Variants in SPOCK1 observed in about 807,000 individuals in gnomAD.
SPOCK1 encodes the protein SPARC (osteonectin), cwcv and kazal like domains proteoglycan 1.
A neutral mutation model predicts 55.3 loss-of-function variants in SPOCK1; 23 were observed. The ratio of observed to expected loss-of-function variants is 0.42; its 90% CI spans 0.30 to 0.59. SPOCK1 has a LOEUF of 0.59. SPOCK1 is among the 20% of genes least tolerant of loss of function. The pLI, the probability that SPOCK1 is intolerant of heterozygous loss-of-function variation, is 0.22. For synonymous variants in SPOCK1, 226 were observed against 221.0 expected, an observed-to-expected ratio of 1.02 and a Z score of -0.20; for missense variants, 499 against 552.5, an observed-to-expected ratio of 0.90 and a Z score of 0.97.
intron 2 of SPOCK1, among the ~76,000 whole-genome samples, chr5:137,425,451 T>C (rs1229316954): frequency 6.6e-6 from 1 of 151,848 alleles, no homozygotes; most frequent in African/African-American, 2.4e-5. Context: ...GCTGACAAAT[T>C]CATCTCCAAA....
chr5:137,314,082 C>T (rs1362420404), intron 2 of SPOCK1, among the ~76,000 whole-genome samples: 4 of 151,648 alleles, frequency 2.6e-5, no homozygotes, highest in African/African-American at 4.8e-5. Context: ...CTGAGCTCTA[C>T]CCCTTAGGCT....
chr5:137,050,415 C>A (rs1210484160), intron 6 of SPOCK1, among the ~76,000 whole-genome samples: 29 of 137,518 alleles, frequency 2.1e-4, no homozygotes, highest in Middle Eastern at 3.6e-3. Flanking sequence ...CAGGTGCGTC[C>A]GTCACCCCTT....
intron 2 of SPOCK1, among the ~76,000 whole-genome samples, chr5:137,406,126 A>G (rs556982681): frequency 1.6e-4 from 24 of 152,292 alleles, no homozygotes; most frequent in African/African-American, 5.8e-4. Flanking sequence ...AGAGAAGCCC[A>G]GCCTCCTACA....
At chr5:137,240,087 TTG>T (rs1325236647) in intron 3 of SPOCK1, among the ~76,000 whole-genome samples, 1 of 152,120 alleles carries the variant, frequency 6.6e-6, no homozygotes, top group African/African-American at 2.4e-5. Context: ...TACCAAGGAA[TTG>T]ACTAAATAAG....
chr5:137,211,869 C>T (rs541228547), intron 3 of SPOCK1, among the ~76,000 whole-genome samples: 31 of 152,264 alleles, frequency 2.0e-4, no homozygotes, highest in Non-Finnish European at 3.5e-4. Context: ...ATGGAAGCCC[C>T]GCCCCCTGCC....
intron 2 of SPOCK1, among the ~76,000 whole-genome samples, chr5:137,384,618 CAA>C (rs1300397883): frequency 6.8e-6 from 1 of 147,126 alleles, no homozygotes; most frequent in African/African-American, 2.7e-5. Context: ...CAGAAGCTCA[CAA>C]TTAATGTGCC....
intron 8 of SPOCK1, among the ~76,000 whole-genome samples, 176 bp from the exon 9 acceptor site, chr5:136,985,378 C>T (rs900124958): frequency 6.6e-6 from 1 of 152,160 alleles, no homozygotes; most frequent in Non-Finnish European, 1.5e-5. Flanking sequence ...AGTTAAAAAA[C>T]AAACCTCATA....
At chr5:137,397,019 A>C (rs1186393624) in intron 2 of SPOCK1, among the ~76,000 whole-genome samples, 1 of 152,210 alleles carries the variant, frequency 6.6e-6, no homozygotes, top group Non-Finnish European at 1.5e-5. Flanking sequence ...AACAGGGCCC[A>C]GAGATGTTGA....
chr5:137,424,872 T>C (rs1388712341), intron 2 of SPOCK1, among the ~76,000 whole-genome samples: 1 of 152,212 alleles, frequency 6.6e-6, no homozygotes, highest in Non-Finnish European at 1.5e-5. Flanking sequence ...GTAATAAAAA[T>C]GTTCTAAATC....
chr5:137,331,851 CAT>C (rs1297874499), intron 2 of SPOCK1, among the ~76,000 whole-genome samples: 1 of 152,158 alleles, frequency 6.6e-6, no homozygotes, highest in Non-Finnish European at 1.5e-5. Context: ...CAATCCAAAA[CAT>C]ATCAACCTGC....
At chr5:136,987,460 G>C (rs376607636) in intron 8 of SPOCK1, among the ~76,000 whole-genome samples, 2 of 152,140 alleles carry the variant, frequency 1.3e-5, no homozygotes, top group African/African-American at 4.8e-5. Flanking sequence ...ATAGAGAATA[G>C]GTATTCTCAT....
At position 137,140,781 on chromosome 5, in the gene SPOCK1, C is replaced by T. The variant is rs1200944926; in HGVS notation, c.233-87G>A. On this transcript the variant is annotated intron_variant, in intron 3 of 10. Transcript: ENST00000394945. ...TTTTTTTTTTTTTTTTTTGTTGAGA[C>T]GGACTCTCGCTGTGTTGCCCAGACT... 19 of 749,186 alleles carry T rather than the reference C, an allele frequency of 2.5e-5. 1 individual carries two copies. The highest frequency in any genetic ancestry group is 1.4e-4 in the South Asian group (6 of 42,480). The allele number at this position is 749,186 out of a possible 1,614,324, so 46.4% of individuals were successfully genotyped here.
chr5:137,075,105 C>T (rs545243670), intron 5 of SPOCK1, among the ~76,000 whole-genome samples: 2 of 152,322 alleles, frequency 1.3e-5, no homozygotes, highest in South Asian at 2.1e-4. Flanking sequence ...TCCCAAAGTG[C>T]TGGGATTACA....
intron 2 of SPOCK1, among the ~76,000 whole-genome samples, chr5:137,448,756 A>T (rs1753183659): frequency 6.6e-6 from 1 of 152,230 alleles, no homozygotes; most frequent in African/African-American, 2.4e-5. Context: ...TCCAAACATC[A>T]GGTTCTCCGT....
intron 3 of SPOCK1, among the ~76,000 whole-genome samples, chr5:137,169,082 G>A (rs1414466154): frequency 4.6e-5 from 7 of 152,058 alleles, no homozygotes; most frequent in South Asian, 4.1e-4. Flanking sequence ...GGAAGTGGCT[G>A]GGCACAGAAA....
At chr5:137,038,067 G>A (rs138761489) in intron 6 of SPOCK1, among the ~76,000 whole-genome samples, 145 of 152,300 alleles carry the variant, frequency 9.5e-4, no homozygotes, top group East Asian at 7.5e-3. Flanking sequence ...TGTCTCTCCC[G>A]TAAGTCTGTT....
At chr5:137,293,806 G>A (rs1757423477) in intron 2 of SPOCK1, among the ~76,000 whole-genome samples, 1 of 152,082 alleles carries the variant, frequency 6.6e-6, no homozygotes, top group African/African-American at 2.4e-5. Context: ...CATGAGGTCA[G>A]GAGATCGAGA....
intron 3 of SPOCK1, among the ~76,000 whole-genome samples, chr5:137,152,687 C>A (rs140056864): frequency 1.3e-5 from 2 of 152,202 alleles, no homozygotes; most frequent in African/African-American, 4.8e-5. Flanking sequence ...TTTAAAGGAG[C>A]CTCATGACTC....
At chr5:137,436,979 G>A (rs573012815) in intron 2 of SPOCK1, among the ~76,000 whole-genome samples, 61 of 152,220 alleles carry the variant, frequency 4.0e-4, no homozygotes, top group African/African-American at 1.3e-3. Context: ...CAACATTTCC[G>A]GAATGAATGA....
Sources: gnomAD v4.1 joint callset for allele counts (sites outside exome capture counted in the v4.1 genomes callset) on GRCh38, gnomAD v4.1.1 for gene constraint, MANE v1.5 for transcripts, NCBI Gene and HGNC (gene_info 2026-07-23, HGNC 2026-07-21) for gene names.